The following F5 variants were observed in gnomAD, a reference collection of about 807,000 sequenced individuals.
The protein encoded by F5 is coagulation factor V.
F5 carries 138 observed loss-of-function variants against 216.4 expected under a neutral mutation model. That is an observed-to-expected ratio of 0.64 (90% CI 0.56 to 0.73). The LOEUF is 0.73. Among genes scored for constraint, F5 ranks in the 30% least tolerant of loss-of-function variants. The pLI, the probability that F5 is intolerant of heterozygous loss-of-function variation, is 0.00. For synonymous variants in F5, 916 were observed against 930.7 expected (o/e 0.98, Z 0.29); for missense variants, 2,403 against 2,674.0 (o/e 0.90, Z 2.24).
rs1458528481 is a variant in F5, at chr1:169,541,729, C to T, written c.3361G>A (p.Val1121Met). Residue 1121 changes from valine to methionine, a missense_variant, in exon 13 of 25, where the codon GTG (valine) becomes ATG (methionine). Physicochemically the swap from Val to Met is conservative, Grantham distance 21 (BLOSUM62 1). Transcript: ENST00000367797. ...GTTTGATAGTGTTCCTCTGGGGGCA[C>T]TGTCTGATAAAGACCTGGAGGACAG... ...ASCPPGLYQT[V>M]PPEEHYQTFP... 3.7e-6 allele frequency: 6 copies of T among 1,614,004 alleles called. No individual in the cohort carries two copies. The highest frequency in any genetic ancestry group is 5.1e-6 in the Non-Finnish European group (6 of 1,179,970).
intron 6 of F5, among the ~76,000 whole-genome samples, 154 bp downstream of exon 6, chr1:169,556,492 C>G (rs1571587270): frequency 7.3e-6 from 1 of 137,168 alleles, no homozygotes; most frequent in African/African-American, 2.7e-5. Flanking sequence ...AGTTATAAAT[C>G]TAAGAGCAAA....
rs1659904575 is a variant in F5, at chr1:169,542,930, A to G, written c.2160T>C (p.Ser720=). Reference sequence around the variant, plus strand: ...TGTTCTGGTAATCATAGTCAGCATCACTCTCTTCATCTTCAGGTTCTAAAC... The same window carrying G: ...TGTTCTGGTAATCATAGTCAGCATCGCTCTCTTCATCTTCAGGTTCTAAAC... ...HDRLEPEDEE[S]DADYDYQNRL... is the part of the protein sequence containing the mutation. The change falls in exon 13 of 25, where the codon AGT becomes AGC. Residue 720 remains serine (S), a synonymous_variant. Transcript: ENST00000367797. 1 of 1,613,658 alleles carries G rather than the reference A, an allele frequency of 6.2e-7. No homozygotes were observed. The highest frequency in any genetic ancestry group is 1.3e-5 in the African/African-American group (1 of 74,798).
In F5 at chr1:169,586,223, A is replaced by T. The variant is rs41267495; in HGVS notation, c.158+6T>A. On this transcript the variant is annotated splice_donor_region_variant and intron_variant, in intron 1 of 24. Transcript: ENST00000367797. ...GAAGCCCACCCGGACTCCACACCTG[A>T]GTTACCTTGAGTTTGTGGGCTCAGG... The T allele has an allele frequency of 6.2e-7, 1 of 1,613,930 alleles. No homozygotes were observed. The highest frequency in any genetic ancestry group is 8.5e-7 in the Non-Finnish European group (1 of 1,179,990).
intron 14 of F5, among the ~76,000 whole-genome samples, chr1:169,534,452 G>A (rs553697768): frequency 5.9e-5 from 9 of 152,278 alleles, no homozygotes; most frequent in African/African-American, 1.4e-4. Flanking sequence ...CAGATTGCCC[G>A]AGGTCAGGAG....
At chr1:169,516,123 C>A (rs1380812198) in intron 23 of F5, among the ~76,000 whole-genome samples, 2 of 152,072 alleles carry the variant, frequency 1.3e-5, no homozygotes, top group Non-Finnish European at 2.9e-5. Flanking sequence ...ACCTGTTTTA[C>A]AAAACACAAC....
intron 8 of F5, among the ~76,000 whole-genome samples, chr1:169,551,646 A>G (rs1252076065): frequency 2.0e-5 from 3 of 152,246 alleles, no homozygotes; most frequent in Non-Finnish European, 2.9e-5. Flanking sequence ...GGTGCATAAA[A>G]CACACAGGAG....
intron 3 of F5, among the ~76,000 whole-genome samples, chr1:169,571,629 G>C (rs899220311): frequency 6.6e-6 from 1 of 152,222 alleles, no homozygotes; most frequent in Non-Finnish European, 1.5e-5. Flanking sequence ...ATGTCACTAT[G>C]TCAGTGGCTC....
In F5 at chr1:169,514,067, CTTG is replaced by C; in HGVS notation, c.*243_*245del. 2.1e-6 allele frequency: 1 copy of C among 482,262 alleles called. No individual in the cohort carries two copies. Among genetic ancestry groups the C allele is most frequent in the Admixed American group, 3.6e-5 (1 of 27,784 alleles). The allele number at this position is 482,262 out of a possible 1,614,324, so 29.9% of individuals were successfully genotyped here. A position where few individuals can be genotyped will look rare whatever the true frequency, so the allele number is the denominator to read the frequency against. On this transcript the variant is annotated 3_prime_UTR_variant, in exon 25 of 25. Transcript: ENST00000367797. ...ATCATTAAGAAAGATAAGCCCTTTT[CTTG>C]TTGGTTCTTGATATTTTCCTACCTG...
rs550964021 is a variant in F5 at position 169,516,201 on chromosome 1, G to A, written c.6346-575C>T. Among the ~76,000 whole-genome samples the A allele has an allele frequency of 7.9e-5, 12 of 152,214 alleles. No homozygotes were observed. In the East Asian group the frequency reaches 2.1e-3, roughly 27 times the overall value. On this transcript the variant is annotated intron_variant, in intron 23 of 24. Transcript: ENST00000367797. ...ATTTCTTCTAATATTTCAAATAAAT[G>A]TAACATTTGAGAGACCTGATAAAAC...
In F5 at chr1:169,575,126, A is replaced by G. The variant is rs561820610; in HGVS notation, c.251-2783T>C. Among the ~76,000 whole-genome samples, 89 of 152,348 alleles carry G rather than the reference A, an allele frequency of 5.8e-4. 1 individual carries two copies. Among genetic ancestry groups the G allele is most frequent in the African/African-American group, 1.5e-3 (63 of 41,586 alleles). ...GTATTTGACAGTGGAATCTAGTCCA[A>G]TTGGAGGTGAGTTGGGGAATCCCTT... On this transcript the variant is annotated intron_variant, in intron 2 of 24. Coordinates refer to ENST00000367797, the MANE Select transcript of F5 (RefSeq NM_000130.5).
chr1:169,525,097 A>C (rs747284574), intron 18 of F5, among the ~76,000 whole-genome samples, 189 bp from the exon 19 acceptor site: 6 of 152,174 alleles, frequency 3.9e-5, no homozygotes, highest in South Asian at 4.1e-4. Flanking sequence ...GCTTTAATAG[A>C]TATAGTGGCA....
At chr1:169,553,715 C>T (rs909020993) in intron 7 of F5, among the ~76,000 whole-genome samples, 1 of 152,172 alleles carries the variant, frequency 6.6e-6, no homozygotes, top group African/African-American at 2.4e-5. Flanking sequence ...GAGCGAGACT[C>T]CGTCTCAAAA....
Position 169,540,663 on chromosome 1 carries a change from T to C in F5, c.4427A>G (p.Gln1476Arg). Residue 1476 changes from glutamine (Q) to arginine (R), a missense_variant, in exon 13 of 25, where the codon CAA (glutamine) becomes CGA (arginine). Coordinates refer to ENST00000367797, the MANE Select transcript of F5 (RefSeq NM_000130.5). ...PSESSQSLLLQEFNESFPYPD... is the reference protein window; with the variant it reads ...PSESSQSLLLREFNESFPYPD... ...ATAAGGAAAAGACTCATTAAATTCT[T>C]GAAGAAGCAATGACTGACTAGATTC... The C allele has an allele frequency of 1.9e-6, 3 of 1,614,002 alleles. No homozygotes were observed. Among genetic ancestry groups the C allele is most frequent in the Non-Finnish European group, 2.5e-6 (3 of 1,179,940 alleles).
chr1:169,586,204 C>A, intron 1 of F5, 25 bp downstream of exon 1: 1 of 1,613,878 alleles, frequency 6.2e-7, no homozygotes, highest in Non-Finnish European at 8.5e-7. Context: ...TAGAGAAGCC[C>A]ACCCGGACTC....
chr1:169,515,753 C>G, intron 23 of F5, 127 bp from the exon 24 acceptor site: 1 of 894,972 alleles, frequency 1.1e-6, no homozygotes, highest in Non-Finnish European at 1.8e-6. Flanking sequence ...TTAGGATTCA[C>G]AGTCTCCTAG....
chr1:169,582,409 A>T, intron 2 of F5, 22 bp downstream of exon 2: 2 of 1,318,022 alleles, frequency 1.5e-6, no homozygotes, highest in Non-Finnish European at 2.1e-6. Flanking sequence ...TTTAAAATTA[A>T]AAAAGTATAT....
intron 10 of F5, 117 bp downstream of exon 10, chr1:169,549,684 C>A: frequency 1.4e-6 from 1 of 728,568 alleles, no homozygotes; most frequent in East Asian, 2.7e-5. Flanking sequence ...AAAAGGACTA[C>A]TTGACAATTA....
chr1:169,555,361 G>C lies in F5; in HGVS notation c.953-14C>G, dbSNP rs1432021329. The C allele has an allele frequency of 6.2e-7, 1 of 1,613,556 alleles. No homozygotes were observed. Among genetic ancestry groups the C allele is most frequent in the Admixed American group, 1.7e-5 (1 of 60,014 alleles). Reference sequence around the variant, plus strand: ...CCTGCATCCCAGCTGAGTTAGGACAGAAAGACAATGAAATAACTCAAGAGA... The same window carrying C: ...CCTGCATCCCAGCTGAGTTAGGACACAAAGACAATGAAATAACTCAAGAGA... On this transcript the variant is annotated splice_polypyrimidine_tract_variant and intron_variant, in intron 6 of 24. Coordinates refer to ENST00000367797, the MANE Select transcript of F5 (RefSeq NM_000130.5).
At chr1:169,556,976 T>A (rs1441785457) in intron 5 of F5, 109 bp from the exon 6 acceptor site, 11 of 986,598 alleles carry the variant, frequency 1.1e-5, no homozygotes, top group Non-Finnish European at 1.7e-5. Flanking sequence ...TCAGGCATTG[T>A]ATAAAGCTTT....
Sources: allele counts gnomAD v4.1 joint callset (sites outside exome capture counted in the v4.1 genomes callset), GRCh38; gene constraint gnomAD v4.1.1; transcripts MANE v1.5; gene names NCBI Gene and HGNC (gene_info 2026-07-23, HGNC 2026-07-21).